ZNF695: variants seen among roughly 807,000 people sequenced by gnomAD.
ZNF695 encodes the protein zinc finger protein SBZF3.
In ZNF695, 11 loss-of-function variants were observed where a neutral mutation model predicts 11.2. The observed-to-expected ratio is 0.98, with a 90% CI of 0.62 to 1.62. ZNF695 has a LOEUF of 1.62. Ranked by LOEUF, ZNF695 falls within the 40% of genes most tolerant of loss-of-function variation. The pLI is 0.00. For synonymous variants in ZNF695, 190 were observed against 201.4 expected (o/e 0.94, Z 0.48); for missense variants, 559 against 590.5 (o/e 0.95, Z 0.55).
downstream of ZNF695, among the ~76,000 whole-genome samples, chr1:246,981,097 AAG>A (rs1249485087): frequency 6.6e-6 from 1 of 152,250 alleles, no homozygotes; most frequent in Non-Finnish European, 1.5e-5. Context: ...TGTTTTTCAA[AAG>A]ACCTACAAAT....
At chr1:246,978,793 A>G (rs975487904) in intron 4 of ZNF695, among the ~76,000 whole-genome samples, 3 of 152,204 alleles carry the variant, frequency 2.0e-5, no homozygotes, top group Admixed American at 6.5e-5. Flanking sequence ...TTACTCACTC[A>G]GCAGTCTGGT....
At position 246,987,464 on chromosome 1, in the gene ZNF695, T is replaced by A. The variant is rs1668887194; in HGVS notation, c.1051A>T (p.Thr351Ser). ...QHRRIHTGEK[T>S]FRCEECGKAF... Reference sequence around the variant, plus strand: ...TTTCCACATTCTTCACATCGGAAGGTTTTCTCTCCAGTATGAATTCTTCTA... The same window carrying A: ...TTTCCACATTCTTCACATCGGAAGGATTTCTCTCCAGTATGAATTCTTCTA... The change falls in exon 4 of 4, where the codon ACC becomes TCC. Residue 351 changes from threonine to serine, a missense_variant. Thr to Ser is a moderately conservative substitution (Grantham distance 58, BLOSUM62 1). Transcript: ENST00000339986. 3 of 1,609,968 alleles carry A rather than the reference T, an allele frequency of 1.9e-6. No homozygotes were observed. The African/African-American group carries it at 4.0e-5, about 22-fold the overall frequency.
At chr1:246,997,434 C>T (rs1049805063) in intron 3 of ZNF695, among the ~76,000 whole-genome samples, 4 of 151,096 alleles carry the variant, frequency 2.6e-5, no homozygotes, top group Admixed American at 1.3e-4. Flanking sequence ...ACCCGGGAGG[C>T]GGAGGGTGCA....
chr1:247,007,702 C>T (rs1025179704), intron 1 of ZNF695, among the ~76,000 whole-genome samples: 2 of 152,056 alleles, frequency 1.3e-5, no homozygotes, highest in African/African-American at 4.8e-5. Flanking sequence ...CGGACAGTCA[C>T]CCAGCGGCCG....
At chr1:246,990,962 A>G (rs4971321) in intron 3 of ZNF695, among the ~76,000 whole-genome samples, 129,412 of 152,082 alleles carry the variant, frequency 0.85, 55,383 homozygotes, top group East Asian at 0.99. Flanking sequence ...AAAGCAGTAC[A>G]AACAGGGAAG....
intron 4 of ZNF695, among the ~76,000 whole-genome samples, chr1:246,980,218 T>C (rs933844738): frequency 3.3e-5 from 5 of 151,090 alleles, no homozygotes; most frequent in African/African-American, 1.2e-4. Context: ...ATGCTGTGTT[T>C]GAATACATAA....
intron 5 of ZNF695, among the ~76,000 whole-genome samples, chr1:246,950,846 C>T (rs529260870): frequency 2.0e-5 from 3 of 152,086 alleles, no homozygotes; most frequent in African/African-American, 7.2e-5. Flanking sequence ...TAGTTTCATC[C>T]TCCTAGGATG....
chr1:246,999,980 A>G lies in ZNF695; in HGVS notation c.98T>C (p.Met33Thr). The change falls in exon 2 of 4, where the codon ATG (methionine) becomes ACG (threonine). Residue 33 changes from methionine (M) to threonine (T), a missense_variant. Coordinates refer to ENST00000339986, the MANE Select transcript of ZNF695 (RefSeq NM_020394.5). ...GATCAGGTTTCTGTAGTTCTCTAACATCACATCCCTATACAAACTCCGCTG... is the reference window on the plus strand; with the variant it reads ...GATCAGGTTTCTGTAGTTCTCTAACGTCACATCCCTATACAAACTCCGCTG... Reference protein sequence around the residue: ...PAQRSLYRDVMLENYRNLISL... With the variant: ...PAQRSLYRDVTLENYRNLISL... The G allele has an allele frequency of 6.2e-7, 1 of 1,614,190 alleles. No individual in the cohort carries two copies. Among genetic ancestry groups the G allele is most frequent in the Non-Finnish European group, 8.5e-7 (1 of 1,180,022 alleles).
chr1:246,987,292 T>C lies in ZNF695; in HGVS notation c.1223A>G (p.Tyr408Cys), dbSNP rs1331087319. 6.2e-7 allele frequency: 1 copy of C among 1,613,896 alleles called. No individual in the cohort carries two copies. Among genetic ancestry groups the C allele is most frequent in the Admixed American group, 1.7e-5 (1 of 60,020 alleles). ...HKRIHTGQKP[Y>C]KCEECGKAFT... ...AGCTTTGCCACATTCCTCACATTTG[T>C]AGGGTTTCTGCCCAGTATGAATTCT... The change falls in exon 4 of 4, where the codon TAC becomes TGC. Residue 408 changes from tyrosine (Y) to cysteine (C), a missense_variant. Tyr to Cys is a radical substitution (Grantham distance 194). Transcript: ENST00000339986.
At chr1:246,967,557 G>A in intron 5 of ZNF695, 1 of 427,146 alleles carries the variant, frequency 2.3e-6, no homozygotes, top group Non-Finnish European at 4.7e-6. Flanking sequence ...CTGAGATAGG[G>A]GAAGACTTGC....
chr1:246,947,668 T>TCA (rs10691026), intron 5 of ZNF695, among the ~76,000 whole-genome samples: 79,168 of 151,666 alleles, frequency 0.52, 20,808 homozygotes, highest in Middle Eastern at 0.6. Context: ...ACACGTTTAT[T>TCA]CACAGTCTCT....
Position 246,986,889 on chromosome 1 carries a change from C to A in ZNF695, c.*78G>T. 6.7e-7 allele frequency: 1 copy of A among 1,496,422 alleles called. No homozygotes were observed. Among genetic ancestry groups the A allele is most frequent in the Non-Finnish European group, 8.9e-7 (1 of 1,125,740 alleles). The allele number at this position is 1,496,422 out of a possible 1,614,324, so 92.7% of individuals were successfully genotyped here. On this transcript the variant is annotated 3_prime_UTR_variant, in exon 4 of 4. Transcript: ENST00000339986. The stretch of plus-strand genomic sequence containing the variant: ...TCATTACATTTGTAACACTCTTATT[C>A]AGTAAAAATATTCTGCTGTGAAGTT...
intron 4 of ZNF695, among the ~76,000 whole-genome samples, chr1:246,979,052 G>C (rs1490166945): frequency 6.6e-6 from 1 of 152,174 alleles, no homozygotes; most frequent in African/African-American, 2.4e-5. Context: ...ACTGTTCAAA[G>C]TCTACAACAG....
intron 5 of ZNF695, among the ~76,000 whole-genome samples, chr1:246,958,997 A>G (rs1329826746): frequency 6.6e-6 from 1 of 151,896 alleles, no homozygotes; most frequent in Non-Finnish European, 1.5e-5. Flanking sequence ...CGAATCAGAT[A>G]CTGTGTCTTG....
In ZNF695 at chr1:247,002,783, A is replaced by C. The variant is rs1669425349; in HGVS notation, c.4-2709T>G. Among the ~76,000 whole-genome samples, 4 of 148,866 alleles carry C rather than the reference A, an allele frequency of 2.7e-5. No homozygotes were observed. In the South Asian group the frequency reaches 8.5e-4, roughly 32 times the overall value. ...GGGTGAAAGAGTGAGACTCTGTCTC[A>C]AAAAAAAAAGGGGGGGGCAGCAAAG... is the stretch of plus-strand genomic sequence containing the variant. On this transcript the variant is annotated intron_variant, in intron 1 of 3. Coordinates refer to ENST00000339986, the MANE Select transcript of ZNF695 (RefSeq NM_020394.5).
At chr1:246,963,744 C>T (rs1668220677) in intron 5 of ZNF695, among the ~76,000 whole-genome samples, 2 of 152,170 alleles carry the variant, frequency 1.3e-5, no homozygotes, top group Admixed American at 1.3e-4. Flanking sequence ...GAGTTTTCCC[C>T]ACACCGACCA....
At chr1:246,979,363 C>T (rs1040297992) in intron 4 of ZNF695, among the ~76,000 whole-genome samples, 3 of 152,078 alleles carry the variant, frequency 2.0e-5, no homozygotes, top group African/African-American at 7.2e-5. Flanking sequence ...ATACAGCCCT[C>T]GTTTCTCCTG....
chr1:246,985,721 A>T lies in ZNF695; in HGVS notation c.*1246T>A. The T allele has an allele frequency of 1.0e-6, 1 of 985,292 alleles. No individual in the cohort carries two copies. Among genetic ancestry groups the T allele is most frequent in the South Asian group, 4.7e-5 (1 of 21,290 alleles). 61.0% of individuals were successfully genotyped at this position (985,292 alleles called of 1,614,324 possible). On this transcript the variant is annotated 3_prime_UTR_variant, in exon 4 of 4. Transcript: ENST00000339986. ...AAAAACAACTGACTTGTAAAACTCA[A>T]ATGTTTCTTTCTTAAATATAATGCA...
intron 5 of ZNF695, among the ~76,000 whole-genome samples, chr1:246,948,629 T>C (rs761364464): frequency 5.3e-5 from 8 of 152,294 alleles, no homozygotes; most frequent in African/African-American, 1.9e-4. Context: ...GCTGCCACTG[T>C]AGAGATTAAA....
Sources: gnomAD v4.1 joint callset for allele counts (sites outside exome capture counted in the v4.1 genomes callset) on GRCh38, gnomAD v4.1.1 for gene constraint, MANE v1.5 for transcripts, NCBI Gene and HGNC (gene_info 2026-07-23, HGNC 2026-07-21) for gene names.